Variants in EPM2A observed in about 807,000 individuals in gnomAD.
EPM2A encodes laforin.
EPM2A carries 21 observed loss-of-function variants against 26.5 expected under a neutral mutation model. The observed-to-expected ratio is 0.79, with a 90% CI of 0.56 to 1.14. The LOEUF (loss-of-function observed/expected upper bound fraction) is 1.14, where lower values mean the gene tolerates loss of function less well. Among genes scored for constraint, EPM2A ranks in the 50% most tolerant of loss-of-function variants. The pLI is 0.00. For synonymous variants in EPM2A, 217 were observed against 177.6 expected, an observed-to-expected ratio of 1.22 and a Z score of -1.76; for missense variants, 458 against 440.8, an observed-to-expected ratio of 1.04 and a Z score of -0.35.
At chr6:145,616,616 C>T (rs62438248) in intron 2 of EPM2A, among the ~76,000 whole-genome samples, 122 of 152,358 alleles carry the variant, frequency 8.0e-4, no homozygotes, top group Admixed American at 2.5e-3. Flanking sequence ...TCAATGCCAG[C>T]CCATGAAAGC....
chr6:145,383,487 T>A (rs2114650696), exon 5 of EPM2A: 1 of 152,320 alleles, frequency 6.6e-6, no homozygotes, highest in Admixed American at 6.5e-5. Flanking sequence ...AGCAGATACA[T>A]CTTACATGAC....
At chr6:145,491,209 T>C in intron 4 of EPM2A, 1 of 425,942 alleles carries the variant, frequency 2.3e-6, no homozygotes, top group Non-Finnish European at 4.5e-6. Flanking sequence ...CCCCGACCCC[T>C]TCATGGGTAG....
chr6:145,571,608 G>A (rs535660209), intron 2 of EPM2A, among the ~76,000 whole-genome samples: 8 of 152,180 alleles, frequency 5.3e-5, no homozygotes, highest in Non-Finnish European at 1.2e-4. Context: ...AACCTGCCAC[G>A]AAGTAGCTGG....
intron 4 of EPM2A, among the ~76,000 whole-genome samples, chr6:145,472,269 T>A (rs1190742454): frequency 6.6e-6 from 1 of 151,710 alleles, no homozygotes; most frequent in African/African-American, 2.4e-5. Context: ...GATACCTGGG[T>A]CCTACATGGA....
At chr6:145,493,620 C>T (rs1211640929) in intron 4 of EPM2A, among the ~76,000 whole-genome samples, 6 of 152,098 alleles carry the variant, frequency 3.9e-5, no homozygotes, top group African/African-American at 1.2e-4. Context: ...CGTTGGCTGT[C>T]GGTTTGTCAT....
chr6:145,640,982 T>C (rs906590634), intron 2 of EPM2A: 2 of 152,206 alleles, frequency 1.3e-5, no homozygotes, highest in Non-Finnish European at 2.9e-5. Flanking sequence ...TTTATTATAG[T>C]TTTTTATGAG....
intron 2 of EPM2A, among the ~76,000 whole-genome samples, chr6:145,537,933 CATT>C (rs1244201642): frequency 6.6e-6 from 1 of 152,104 alleles, no homozygotes; most frequent in Middle Eastern, 3.2e-3. Context: ...GATATGATCT[CATT>C]GTTTTTTATG....
intron 4 of EPM2A, among the ~76,000 whole-genome samples, chr6:145,486,038 A>G (rs766552896): frequency 6.6e-6 from 1 of 152,224 alleles, no homozygotes; most frequent in Non-Finnish European, 1.5e-5. Flanking sequence ...TTGGGTGAGG[A>G]TACAGCCAAA....
intron 1 of EPM2A, among the ~76,000 whole-genome samples, chr6:145,731,032 C>A (rs1159676782): frequency 6.6e-6 from 1 of 151,412 alleles, no homozygotes; most frequent in Non-Finnish European, 1.5e-5. Context: ...TTGGGTGAAA[C>A]AAATCCTGTG....
intron 2 of EPM2A, among the ~76,000 whole-genome samples, chr6:145,507,543 G>A (rs183015709): frequency 3.9e-5 from 6 of 152,306 alleles, no homozygotes; most frequent in Admixed American, 3.3e-4. Flanking sequence ...GAGAGATGGA[G>A]ACACTGGGAA....
At chr6:145,446,024 A>G (rs535550211) in intron 4 of EPM2A, among the ~76,000 whole-genome samples, 4 of 152,354 alleles carry the variant, frequency 2.6e-5, no homozygotes, top group African/African-American at 9.6e-5. Context: ...GAACAATGGT[A>G]GAGAGGCCAT....
chr6:145,596,942 C>T (rs555173159), intron 2 of EPM2A, among the ~76,000 whole-genome samples: 7 of 102,232 alleles, frequency 6.8e-5, no homozygotes, highest in African/African-American at 1.3e-4. Context: ...GGCCGGACTG[C>T]GGACTGCAGT....
chr6:145,426,253 T>A (rs1308477257), intron 4 of EPM2A, among the ~76,000 whole-genome samples: 2 of 152,166 alleles, frequency 1.3e-5, no homozygotes, highest in African/African-American at 4.8e-5. Context: ...TCCATTAGAA[T>A]CATGGCAGTC....
At chr6:145,546,119 CAAGCTGCAGAACT>C (rs1465690305) in intron 2 of EPM2A, among the ~76,000 whole-genome samples, 2 of 152,134 alleles carry the variant, frequency 1.3e-5, no homozygotes, top group African/African-American at 4.8e-5. Flanking sequence ...CTGTCATCTG[CAAGCTGCAGAACT>C]AGGGATGCCA....
chr6:145,626,304 TA>T lies in EPM2A; in HGVS notation c.*1111del. 2 of 986,522 alleles carry T rather than the reference TA, an allele frequency of 2.0e-6. No homozygotes were observed. Among genetic ancestry groups the T allele is most frequent in the Non-Finnish European group, 2.4e-6 (2 of 830,480 alleles). The allele number at this position is 986,522 out of a possible 1,614,324, so 61.1% of individuals were successfully genotyped here. A position where few individuals can be genotyped will look rare whatever the true frequency, so the allele number is the denominator to read the frequency against. On this transcript the variant is annotated 3_prime_UTR_variant, in exon 4 of 4. Coordinates refer to ENST00000367519, the MANE Select transcript of EPM2A (RefSeq NM_005670.4). ...ATAGTCTGGAGGCACAGGAACTGCA[TA>T]TTATACTAAATTGAGAGCTGAGCCA...
At chr6:145,520,813 G>A (rs369587022) in intron 2 of EPM2A, among the ~76,000 whole-genome samples, 7 of 152,164 alleles carry the variant, frequency 4.6e-5, no homozygotes, top group East Asian at 1.9e-4. Context: ...ATGGCTAAGG[G>A]ACGGGTAGTT....
chr6:145,660,680 T>C (rs1049201525), intron 2 of EPM2A, among the ~76,000 whole-genome samples: 1 of 152,104 alleles, frequency 6.6e-6, no homozygotes, highest in African/African-American at 2.4e-5. Flanking sequence ...CGCATGCCTG[T>C]AGTCCCAGCT....
chr6:145,384,737 C>G lies in EPM2A; in HGVS notation c.556-640G>C, dbSNP rs971990543. Among the ~76,000 whole-genome samples the G allele has an allele frequency of 1.4e-5, 2 of 147,372 alleles. 1 individual carries two copies. The highest frequency in any genetic ancestry group is 4.5e-4 in the South Asian group (2 of 4,406). On this transcript the variant is annotated intron_variant, in intron 4 of 4. Coordinates refer to the EPM2A transcript ENST00000638717. ...TGCATCCTGAAATATGCATCTGGATCCTGAATATGCATGTGGATATGCATC... is the reference window on the plus strand; with the variant it reads ...TGCATCCTGAAATATGCATCTGGATGCTGAATATGCATGTGGATATGCATC...
At chr6:145,609,177 T>C (rs201420938) in intron 2 of EPM2A, among the ~76,000 whole-genome samples, 1 of 152,210 alleles carries the variant, frequency 6.6e-6, no homozygotes, top group East Asian at 1.9e-4. Flanking sequence ...CCAATTAATT[T>C]GATCGGACTC....
Sources: gnomAD v4.1 joint callset for allele counts (sites outside exome capture counted in the v4.1 genomes callset) on GRCh38, gnomAD v4.1.1 for gene constraint, MANE v1.5 for transcripts, NCBI Gene and HGNC (gene_info 2026-07-23, HGNC 2026-07-21) for gene names.